The following COL24A1 variants were observed in gnomAD, a reference collection of about 807,000 sequenced individuals.
COL24A1 encodes the protein collagen type XXIV alpha 1 chain.
A neutral mutation model predicts 253.9 loss-of-function variants in COL24A1; 224 were observed. The observed-to-expected ratio is 0.88, with a 90% CI of 0.79 to 0.99. The LOEUF is 0.99. Ranked by LOEUF, COL24A1 falls within the 50% of genes least tolerant of loss-of-function variation. COL24A1 has a pLI of 0.00. For synonymous variants in COL24A1, 685 were observed against 673.7 expected, an observed-to-expected ratio of 1.02 and a Z score of -0.26; for missense variants, 2,131 against 2,068.5, an observed-to-expected ratio of 1.03 and a Z score of -0.59.
chr1:85,911,490 C>T, intron 24 of COL24A1, 57 bp from the exon 25 acceptor site: 1 of 1,345,548 alleles, frequency 7.4e-7, no homozygotes, highest in Non-Finnish European at 1.1e-6. Flanking sequence ...TATTGTAGTG[C>T]CTGGGTCTTA....
Position 85,784,160 on chromosome 1 carries a change from A to G in COL24A1, c.4174T>C (p.Tyr1392His), listed in dbSNP as rs760737004. 10 of 1,613,726 alleles carry G rather than the reference A, an allele frequency of 6.2e-6. No homozygotes were observed. Among genetic ancestry groups the G allele is most frequent in the Non-Finnish European group, 7.6e-6 (9 of 1,179,764 alleles). The change falls in exon 50 of 60, where the codon TAT becomes CAT. Residue 1392 changes from tyrosine to histidine, a missense_variant. Transcript: ENST00000370571. ...AAACCTGTCAAACCTTGAACACCAT[A>G]TTCTCCCTGCAAAGTGAATTGACAT... The part of the protein sequence containing the change: ...DPGLKGQPGE[Y>H]GVQGLTGFQG...
intron 8 of COL24A1, 100 bp from the exon 9 acceptor site, chr1:86,059,274 A>G (rs1700893776): frequency 1.4e-5 from 11 of 805,312 alleles, no homozygotes; most frequent in Non-Finnish European, 1.9e-5. Flanking sequence ...CCCCATAAAA[A>G]TACGGAGTCC....
intron 5 of COL24A1, among the ~76,000 whole-genome samples, chr1:86,108,609 C>T (rs956136143): frequency 5.0e-5 from 5 of 100,606 alleles, no homozygotes; most frequent in Non-Finnish European, 7.3e-5. Flanking sequence ...ATGGAGAAAC[C>T]CCATCTCTAC....
intron 24 of COL24A1, among the ~76,000 whole-genome samples, chr1:85,926,984 G>C (rs1181780699): frequency 6.6e-6 from 1 of 152,210 alleles, no homozygotes; most frequent in Non-Finnish European, 1.5e-5. Flanking sequence ...GCAATCACCA[G>C]GTTGATGGTA....
At chr1:85,993,783 T>G (rs754480849) in intron 19 of COL24A1, among the ~76,000 whole-genome samples, 1 of 152,070 alleles carries the variant, frequency 6.6e-6, no homozygotes, top group Non-Finnish European at 1.5e-5. Context: ...GATAACCATA[T>G]GCTTTATGGT....
At chr1:85,969,145 C>T (rs1001735362) in intron 22 of COL24A1, among the ~76,000 whole-genome samples, 1 of 152,054 alleles carries the variant, frequency 6.6e-6, no homozygotes, top group Non-Finnish European at 1.5e-5. Flanking sequence ...TAAATAAGAT[C>T]AATTTTATTG....
chr1:86,124,294 C>A (rs1365371607), intron 3 of COL24A1, among the ~76,000 whole-genome samples: 1 of 151,762 alleles, frequency 6.6e-6, no homozygotes, highest in Non-Finnish European at 1.5e-5. Flanking sequence ...CTTTAATTAA[C>A]CCATAAACAT....
chr1:86,061,098 T>C (rs1701055041), intron 8 of COL24A1, among the ~76,000 whole-genome samples: 2 of 152,120 alleles, frequency 1.3e-5, no homozygotes, highest in South Asian at 4.1e-4. Flanking sequence ...AGCTAATAAG[T>C]AGGAAGTCAG....
intron 38 of COL24A1, among the ~76,000 whole-genome samples, chr1:85,848,798 A>T (rs989954519): frequency 2.6e-5 from 4 of 152,104 alleles, no homozygotes; most frequent in Admixed American, 2.0e-4. Context: ...GCTTTATTTT[A>T]TTTTTCCAGG....
chr1:86,047,077 C>T (rs1699962392), intron 11 of COL24A1, among the ~76,000 whole-genome samples: 3 of 152,152 alleles, frequency 2.0e-5, no homozygotes. Context: ...TGCTTTTATT[C>T]AGGAATCTAT....
rs559661433 is a variant in COL24A1, at chr1:85,927,130, C to T, written c.2563-15697G>A. 2.6e-5 allele frequency among the ~76,000 whole-genome samples: 4 copies of T among 152,198 alleles called. No homozygotes were observed. In the South Asian group the frequency reaches 8.3e-4, roughly 32 times the overall value. On this transcript the variant is annotated intron_variant, in intron 24 of 59. Transcript: ENST00000370571. ...GGTCTACAGCTCCCAGCGTGAGCGA[C>T]GCAGAAGACGGGTGATTTCTGCACT...
At chr1:85,907,584 C>T (rs934331516) in intron 27 of COL24A1, among the ~76,000 whole-genome samples, 11 of 151,884 alleles carry the variant, frequency 7.2e-5, no homozygotes, top group African/African-American at 2.6e-4. Context: ...GTCTAATCTG[C>T]CTGGCCCATC....
At chr1:86,118,256 G>T (rs1706343207) in intron 3 of COL24A1, among the ~76,000 whole-genome samples, 1 of 151,864 alleles carries the variant, frequency 6.6e-6, no homozygotes, top group African/African-American at 2.4e-5. Context: ...GTAGAGACGG[G>T]GTTTCACCAT....
At chr1:85,756,751 A>G (rs1353422770) in intron 55 of COL24A1, among the ~76,000 whole-genome samples, 1 of 152,220 alleles carries the variant, frequency 6.6e-6, no homozygotes, top group Non-Finnish European at 1.5e-5. Context: ...ACTCCAACAG[A>G]TATTTGTACA....
chr1:85,894,125 T>C (rs1262593630), intron 31 of COL24A1, among the ~76,000 whole-genome samples: 62 of 152,218 alleles, frequency 4.1e-4, no homozygotes, highest in Non-Finnish European at 1.0e-4. Flanking sequence ...TCTGGCTTTT[T>C]TCAGTTGACT....
At chr1:85,858,615 T>TTCTC (rs1447320877) in intron 37 of COL24A1, among the ~76,000 whole-genome samples, 34 of 58,826 alleles carry the variant, frequency 5.8e-4, no homozygotes, top group African/African-American at 1.3e-3. Context: ...TCTCCTTATT[T>TTCTC]TCTCCCTCCT....
At chr1:85,818,612 T>TC (rs1217271147) in intron 45 of COL24A1, among the ~76,000 whole-genome samples, 2 of 152,198 alleles carry the variant, frequency 1.3e-5, no homozygotes, top group African/African-American at 4.8e-5. Context: ...GATATTTATT[T>TC]CCCACGGAAC....
intron 7 of COL24A1, among the ~76,000 whole-genome samples, chr1:86,078,274 C>T (rs1047735631): frequency 8.6e-5 from 13 of 151,992 alleles, no homozygotes; most frequent in Non-Finnish European, 1.8e-4. Flanking sequence ...AAAAAATACC[C>T]TCAAAAACTG....
chr1:85,789,807 A>G (rs751046595), intron 47 of COL24A1, among the ~76,000 whole-genome samples: 61 of 152,188 alleles, frequency 4.0e-4, no homozygotes, highest in Non-Finnish European at 8.1e-4. Flanking sequence ...TACTGAGATA[A>G]TCATGTGGTT....
Sources: allele counts gnomAD v4.1 joint callset (sites outside exome capture counted in the v4.1 genomes callset), GRCh38; gene constraint gnomAD v4.1.1; transcripts MANE v1.5; gene names NCBI Gene and HGNC (gene_info 2026-07-23, HGNC 2026-07-21).